The following ZNF160 variants were observed in gnomAD, a reference collection of about 807,000 sequenced individuals.
ZNF160 encodes the protein zinc finger protein 160.
Under a neutral mutation model 13.1 loss-of-function variants are expected in ZNF160, and 9 were observed. The observed-to-expected ratio is 0.69, with a 90% CI of 0.41 to 1.20. The LOEUF is 1.20. Ranked by LOEUF, ZNF160 falls within the 50% of genes most tolerant of loss-of-function variation. The probability of loss-of-function intolerance (pLI) is 0.01; values close to 1 mark genes in which losing one functional copy is unlikely to be tolerated. For missense variants in ZNF160, 838 were observed against 988.0 expected (o/e 0.85, Z 2.04); for synonymous variants, 293 against 333.2 (o/e 0.88, Z 1.31).
chr19:53,068,135 T>C lies in ZNF160; in HGVS notation c.2399A>G (p.Gln800Arg), dbSNP rs763844556. 2.5e-6 allele frequency: 4 copies of C among 1,613,872 alleles called. No individual in the cohort carries two copies. Among genetic ancestry groups the C allele is most frequent in the Non-Finnish European group, 2.5e-6 (3 of 1,179,870 alleles). ...KCNECGKVFR[Q>R]SSNLASHHRM... ...GTGATGACTTGCAAGATTTGAACTC[T>C]GCCTGAAGACCTTGCCACACTCATT... The change falls in exon 6 of 6, where the codon CAG (glutamine) becomes CGG (arginine). Residue 800 changes from glutamine (Q) to arginine (R), a missense_variant. Coordinates refer to ENST00000683776, the MANE Select transcript of ZNF160 (RefSeq NM_001322131.2).
Position 53,070,190 on chromosome 19 carries a change from G to T in ZNF160, c.344C>A (p.Thr115Lys), listed in dbSNP as rs2084115986. ...GCTTTCGTGTCTTTCCAACACCACTGTGTGGAATACTGCTTCTGTACTGCT... is the reference window on the plus strand; with the variant it reads ...GCTTTCGTGTCTTTCCAACACCACTTTGTGGAATACTGCTTCTGTACTGCT... ...EKSSTEAVFH[T>K]VVLERHESPD... Residue 115 changes from threonine to lysine, a missense_variant, in exon 6 of 6, where the codon ACA (threonine) becomes AAA (lysine). Physicochemically the swap from Thr to Lys is moderately conservative, Grantham distance 78 (BLOSUM62 -1). This residue lies in a region of ZNF160 where 387 missense variants were observed against 402.3 expected (regional missense o/e 0.96). Coordinates refer to ENST00000683776, the MANE Select transcript of ZNF160 (RefSeq NM_001322131.2). The T allele has an allele frequency of 1.2e-6, 2 of 1,613,866 alleles. No homozygotes were observed. Among genetic ancestry groups the T allele is most frequent in the African/African-American group, 1.3e-5 (1 of 75,030 alleles).
At chr19:53,075,717 T>C (rs774511197) in intron 3 of ZNF160, 12 of 518,876 alleles carry the variant, frequency 2.3e-5, no homozygotes, top group South Asian at 1.7e-4. Flanking sequence ...TCTGTGTGCT[T>C]TGTAGCATCT....
chr19:53,073,591 C>A, intron 5 of ZNF160: 1 of 1,458,886 alleles, frequency 6.9e-7, no homozygotes, highest in East Asian at 2.5e-5. Context: ...CCCTCTGACC[C>A]ATATGGACTA....
intron 1 of ZNF160, among the ~76,000 whole-genome samples, chr19:53,099,254 G>T (rs1385966397): frequency 6.6e-6 from 1 of 152,166 alleles, no homozygotes; most frequent in African/African-American, 2.4e-5. Context: ...GGCTAGACCC[G>T]AAGGAGAAGA....
chr19:53,068,081 T>C lies in ZNF160; in HGVS notation c.2453A>G (p.Lys818Arg), dbSNP rs1307995827. The C allele has an allele frequency of 6.2e-7, 1 of 1,600,520 alleles. No individual in the cohort carries two copies. The highest frequency in any genetic ancestry group is 8.5e-7 in the Non-Finnish European group (1 of 1,172,734). Residue 818 changes from lysine (K) to arginine (R), a missense_variant, in exon 6 of 6, where the codon AAA (lysine) becomes AGA (arginine). By Grantham distance (26) the Lys-to-Arg change is conservative. Around this residue, in one of 3 missense-constraint regions of ZNF160, gnomAD observed 51 missense variants for 46.9 expected, o/e 1.09. Transcript: ENST00000683776. The stretch of plus-strand genomic sequence containing the variant: ...TACCTAATGACCTCACCACACTCAT[T>C]TGTAAGGTTTCTCTCCGGTATGCAT... ...HRMHTGEKPY[K>R]
chr19:53,080,246 T>C (rs2084577362), intron 3 of ZNF160, among the ~76,000 whole-genome samples: 1 of 152,048 alleles, frequency 6.6e-6, no homozygotes, highest in Non-Finnish European at 1.5e-5. Context: ...ATTACAGGCA[T>C]GCACCACCAC....
intron 1 of ZNF160, 89 bp downstream of exon 1, chr19:53,103,176 G>A (rs926415399): frequency 3.3e-5 from 5 of 152,216 alleles, no homozygotes; most frequent in Admixed American, 6.5e-5. Flanking sequence ...CTTGGCCCAA[G>A]GCAGAAAGAC....
rs534976723 is a variant in ZNF160, at chr19:53,090,069, CCT to C, written c.-46+1342_-46+1343del. Among the ~76,000 whole-genome samples, 56 of 151,806 alleles carry C rather than the reference CCT, an allele frequency of 3.7e-4. No homozygotes were observed. The South Asian group carries it at 0.01, about 27-fold the overall frequency. On this transcript the variant is annotated intron_variant, in intron 2 of 5. Transcript: ENST00000683776. ...GCTCCCCCTATTAAATCCCCTCTTCCCTGTTACACCCCTTGTCCCCACTCTCT... is the reference window on the plus strand; with the variant it reads ...GCTCCCCCTATTAAATCCCCTCTTCCGTTACACCCCTTGTCCCCACTCTCT...
intron 3 of ZNF160, among the ~76,000 whole-genome samples, chr19:53,076,196 A>T (rs2084381630): frequency 1.3e-5 from 2 of 152,224 alleles, no homozygotes; most frequent in Admixed American, 1.3e-4. Context: ...CCTCTATATC[A>T]GTGTCGATTT....
At chr19:53,101,691 T>C (rs962913083) in intron 1 of ZNF160, among the ~76,000 whole-genome samples, 2 of 152,134 alleles carry the variant, frequency 1.3e-5, no homozygotes, top group African/African-American at 4.8e-5. Context: ...CTCTCTTCAC[T>C]GCCCCCACCC....
At chr19:53,094,373 A>G (rs753110180) in intron 1 of ZNF160, among the ~76,000 whole-genome samples, 3 of 152,148 alleles carry the variant, frequency 2.0e-5, no homozygotes, top group South Asian at 2.1e-4. Flanking sequence ...ACACAGCACA[A>G]GTAGAAATTT....
At chr19:53,070,408 C>T (rs1383117065) in intron 5 of ZNF160, 146 bp from the exon 6 acceptor site, 7 of 815,780 alleles carry the variant, frequency 8.6e-6, no homozygotes, top group Non-Finnish European at 8.8e-6. Flanking sequence ...TTGTTAGGAA[C>T]AAAAATGTTT....
chr19:53,071,145 G>A (rs548551199), intron 5 of ZNF160, among the ~76,000 whole-genome samples: 8 of 152,214 alleles, frequency 5.3e-5, no homozygotes, highest in Non-Finnish European at 1.0e-4. Context: ...GCAGTGAGCC[G>A]AGATCGTGCC....
At chr19:53,073,303 G>A (rs768942366) in intron 5 of ZNF160, 17 of 1,575,318 alleles carry the variant, frequency 1.1e-5, no homozygotes, top group Non-Finnish European at 1.5e-5. Flanking sequence ...GAAGGATTTT[G>A]TTAGGTGTCT....
intron 1 of ZNF160, among the ~76,000 whole-genome samples, chr19:53,102,715 G>C (rs546152346): frequency 1.3e-5 from 2 of 152,030 alleles, no homozygotes; most frequent in East Asian, 1.9e-4. Context: ...TGATTCCCTT[G>C]GGCCACACAT....
Position 53,068,838 on chromosome 19 carries a change from TGTAAG to T in ZNF160, c.1691_1695del (p.Pro564GlnfsTer3). On this transcript the variant is annotated frameshift_variant, in exon 6 of 6. Transcript: ENST00000683776. LOFTEE classifies it low-confidence loss of function (END_TRUNC). The stretch of plus-strand genomic sequence containing the variant: ...AAGACTTTACCACATTCATTACACT[TGTAAG>T]GTTTCTCTCCAGAATGAATTCCCCG... 6.2e-7 allele frequency: 1 copy of T among 1,614,122 alleles called. No individual in the cohort carries two copies. Among genetic ancestry groups the T allele is most frequent in the Non-Finnish European group, 8.5e-7 (1 of 1,179,970 alleles).
At chr19:53,083,810 G>A (rs2084725811) in intron 3 of ZNF160, among the ~76,000 whole-genome samples, 1 of 152,210 alleles carries the variant, frequency 6.6e-6, no homozygotes, top group African/African-American at 2.4e-5. Flanking sequence ...AGGAGACTGA[G>A]GTGGGACAAT....
chr19:53,082,850 C>T (rs329701), intron 3 of ZNF160, among the ~76,000 whole-genome samples: 133,212 of 152,110 alleles, frequency 0.88, 58,431 homozygotes, highest in Middle Eastern at 0.93. Flanking sequence ...CCACTTCGGG[C>T]GCCAACAGCA....
chr19:53,075,168 T>C lies in ZNF160; in HGVS notation c.31A>G (p.Arg11Gly). 1 of 1,614,092 alleles carries C rather than the reference T, an allele frequency of 6.2e-7. No individual in the cohort carries two copies. Among genetic ancestry groups the C allele is most frequent in the Non-Finnish European group, 8.5e-7 (1 of 1,179,978 alleles). The change falls in exon 4 of 6, where the codon AGG becomes GGG. Residue 11 changes from arginine to glycine, a missense_variant. Arg to Gly is a moderately radical substitution (Grantham distance 125). Coordinates refer to ENST00000683776, the MANE Select transcript of ZNF160 (RefSeq NM_001322131.2). ...TGAGAGAATTCTATGGCCACATCCCTAAATGTCAACCGTACCTAAAATGAA... is the reference window on the plus strand; with the variant it reads ...TGAGAGAATTCTATGGCCACATCCCCAAATGTCAACCGTACCTAAAATGAA... Reference protein sequence around the residue: MALTQVRLTFRDVAIEFSQEE... With the variant: MALTQVRLTFGDVAIEFSQEE...
Sources: gnomAD v4.1 joint callset for allele counts (sites outside exome capture counted in the v4.1 genomes callset) on GRCh38, gnomAD v4.1.1 for gene constraint, gnomAD v4.1.1 regional missense constraint, MANE v1.5 for transcripts, NCBI Gene and HGNC (gene_info 2026-07-23, HGNC 2026-07-21) for gene names.